Variants in KATNBL1 observed in about 807,000 individuals in gnomAD.
KATNBL1 encodes KATNB1-like protein 1.
In KATNBL1, 28 loss-of-function variants were observed where a neutral mutation model predicts 44.7. The ratio of observed to expected loss-of-function variants is 0.63; its 90% CI spans 0.46 to 0.86. The LOEUF (loss-of-function observed/expected upper bound fraction) is 0.86, where lower values mean the gene tolerates loss of function less well. Ranked by LOEUF, KATNBL1 falls within the 40% of genes least tolerant of loss-of-function variation. The probability of loss-of-function intolerance (pLI) is 0.00; values close to 1 mark genes in which losing one functional copy is unlikely to be tolerated. For missense variants in KATNBL1, 272 were observed against 350.7 expected (o/e 0.78, Z 1.79); for synonymous variants, 78 against 114.9 (o/e 0.68, Z 2.06).
chr15:34,202,071 TG>T (rs1276770141), intron 1 of KATNBL1, among the ~76,000 whole-genome samples: 1 of 152,224 alleles, frequency 6.6e-6, no homozygotes, highest in Admixed American at 6.5e-5. Flanking sequence ...TGGGAGGTCC[TG>T]GAACCAATCG....
chr15:34,191,185 A>G (rs1889863465), intron 1 of KATNBL1, among the ~76,000 whole-genome samples: 1 of 116,976 alleles, frequency 8.5e-6, no homozygotes, highest in Non-Finnish European at 1.8e-5. Context: ...ATATATATAT[A>G]TATTTGGTAG....
At chr15:34,181,198 A>C (rs902183161) in intron 1 of KATNBL1, among the ~76,000 whole-genome samples, 4 of 152,154 alleles carry the variant, frequency 2.6e-5, no homozygotes, top group African/African-American at 9.7e-5. Context: ...CTGCACGTTA[A>C]ACTATTTCCT....
chr15:34,162,281 G>C (rs113474814), intron 2 of KATNBL1, among the ~76,000 whole-genome samples: 1,852 of 152,242 alleles, frequency 0.012, 14 homozygotes, highest in Middle Eastern at 0.044. Flanking sequence ...TACTGTTTTT[G>C]TGGTAGTGAA....
At chr15:34,172,970 G>A (rs188836771) in intron 1 of KATNBL1, among the ~76,000 whole-genome samples, 2 of 151,946 alleles carry the variant, frequency 1.3e-5, no homozygotes, top group Non-Finnish European at 2.9e-5. Context: ...ATATTTTAAA[G>A]AATTGCATCT....
rs752882964 is a variant in KATNBL1, at chr15:34,152,776, G to C, written c.438+14C>G. 6.3e-7 allele frequency: 1 copy of C among 1,593,268 alleles called. No homozygotes were observed. Among genetic ancestry groups the C allele is most frequent in the Non-Finnish European group, 8.6e-7 (1 of 1,167,458 alleles). On this transcript the variant is annotated intron_variant, in intron 4 of 9. Coordinates refer to ENST00000256544, the MANE Select transcript of KATNBL1 (RefSeq NM_024713.3). Reference sequence around the variant, plus strand: ...ACAAAGTTAAACTAGATATGAGTTAGAGAAAAGACTTACCTCAGAAAAAAA... The same window carrying C: ...ACAAAGTTAAACTAGATATGAGTTACAGAAAAGACTTACCTCAGAAAAAAA...
At chr15:34,159,920 C>G (rs1888746562) in intron 2 of KATNBL1, among the ~76,000 whole-genome samples, 1 of 152,150 alleles carries the variant, frequency 6.6e-6, no homozygotes, top group Non-Finnish European at 1.5e-5. Context: ...ACAAGTTACA[C>G]TAGATGGAAA....
intron 5 of KATNBL1, 86 bp from the exon 6 acceptor site, chr15:34,147,516 GA>G: frequency 4.4e-6 from 4 of 902,500 alleles, no homozygotes; most frequent in Non-Finnish European, 5.0e-6. Flanking sequence ...CCGCTTTTGA[GA>G]AATTCATTCA....
chr15:34,169,831 C>A (rs918169642), intron 1 of KATNBL1, among the ~76,000 whole-genome samples: 1 of 152,170 alleles, frequency 6.6e-6, no homozygotes, highest in Admixed American at 6.5e-5. Flanking sequence ...GAACCAACAA[C>A]AAAAACCACA....
At chr15:34,206,557 C>T (rs578162058) in intron 1 of KATNBL1, among the ~76,000 whole-genome samples, 4 of 152,202 alleles carry the variant, frequency 2.6e-5, no homozygotes, top group Admixed American at 1.3e-4. Flanking sequence ...TTTGGGAGGC[C>T]GAGGTGGGCG....
chr15:34,161,733 G>A (rs568071337), intron 2 of KATNBL1, among the ~76,000 whole-genome samples: 2 of 152,250 alleles, frequency 1.3e-5, no homozygotes, highest in East Asian at 1.9e-4. Context: ...CAGTTTCAGC[G>A]GGAAGGATGG....
intron 1 of KATNBL1, among the ~76,000 whole-genome samples, chr15:34,190,120 ATTTTT>A (rs1193332497): frequency 1.3e-5 from 2 of 151,958 alleles, no homozygotes; most frequent in African/African-American, 2.4e-5. Flanking sequence ...AATTTTTTGT[ATTTTT>A]AGTAGAGACA....
At chr15:34,157,198 T>C (rs1382469943) in intron 2 of KATNBL1, among the ~76,000 whole-genome samples, 3 of 152,062 alleles carry the variant, frequency 2.0e-5, no homozygotes, top group Non-Finnish European at 2.9e-5. Context: ...GGACTAGCAA[T>C]AGATGGGGAA....
At chr15:34,178,033 GT>G (rs1889388237) in intron 1 of KATNBL1, 1 of 152,102 alleles carries the variant, frequency 6.6e-6, no homozygotes, top group Non-Finnish European at 1.5e-5. Flanking sequence ...AAATAAAAGG[GT>G]TTTAGAACGT....
chr15:34,144,419 AATAT>A (rs148768731), intron 9 of KATNBL1, among the ~76,000 whole-genome samples: 1 of 148,220 alleles, frequency 6.7e-6, no homozygotes. Context: ...CTTATTTAGA[AATAT>A]ATATATATAT....
intron 2 of KATNBL1, among the ~76,000 whole-genome samples, chr15:34,160,246 G>A (rs530594554): frequency 1.2e-4 from 19 of 152,282 alleles, no homozygotes; most frequent in African/African-American, 4.6e-4. Context: ...GAGAGCGGGG[G>A]TCTAGCTTCC....
intron 1 of KATNBL1, among the ~76,000 whole-genome samples, chr15:34,181,619 CATATATATGTCCATATATATACACATAT>C (rs1567531972): frequency 9.0e-6 from 1 of 110,768 alleles, no homozygotes; most frequent in Non-Finnish European, 2.0e-5. Context: ...TATATATACA[CATATATATGTCCATATATATACACATAT>C]ATATGTCCAT....
At chr15:34,199,235 G>A (rs760190088) in intron 1 of KATNBL1, among the ~76,000 whole-genome samples, 2 of 152,180 alleles carry the variant, frequency 1.3e-5, no homozygotes, top group Admixed American at 1.3e-4. Flanking sequence ...TCAGGGGTTT[G>A]AGACCAGTCT....
intron 1 of KATNBL1, among the ~76,000 whole-genome samples, chr15:34,201,318 C>A (rs1033879223): frequency 1.3e-5 from 2 of 152,144 alleles, no homozygotes; most frequent in African/African-American, 4.8e-5. Flanking sequence ...TATGTTACCA[C>A]TTAGGTTAAA....
At chr15:34,163,073 T>C (rs960375648) in intron 2 of KATNBL1, among the ~76,000 whole-genome samples, 3 of 151,860 alleles carry the variant, frequency 2.0e-5, no homozygotes, top group African/African-American at 7.3e-5. Context: ...TATGGAGTTT[T>C]GCTCTTGTCA....
Sources: allele counts gnomAD v4.1 joint callset (sites outside exome capture counted in the v4.1 genomes callset), GRCh38; gene constraint gnomAD v4.1.1; transcripts MANE v1.5; gene names NCBI Gene and HGNC (gene_info 2026-07-23, HGNC 2026-07-21).